DGKK: variants seen among roughly 807,000 people sequenced by gnomAD.
DGKK encodes the protein diacylglycerol kinase kappa.
A neutral mutation model predicts 92.2 loss-of-function variants in DGKK; 35 were observed. The ratio of observed to expected loss-of-function variants is 0.38; its 90% CI spans 0.29 to 0.50. The LOEUF is 0.50. Among genes scored for constraint, DGKK ranks in the 20% least tolerant of loss-of-function variants. The pLI, the probability that DGKK is intolerant of heterozygous loss-of-function variation, is 0.92. For synonymous variants in DGKK, 368 were observed against 360.6 expected (o/e 1.02, Z -0.23); for missense variants, 910 against 992.2 (o/e 0.92, Z 1.11).
chrX:50,384,278 A>G lies in DGKK; in HGVS notation c.2453-14T>C, dbSNP rs151121850. 9.0e-7 allele frequency: 1 copy of G among 1,106,508 alleles called. No homozygotes were observed. The highest frequency in any genetic ancestry group is 1.8e-5 in the African/African-American group (1 of 54,615). The allele number at this position is 1,106,508 out of a possible 1,213,427, so 91.2% of individuals were successfully genotyped here. A position where few individuals can be genotyped will look rare whatever the true frequency, so the allele number is the denominator to read the frequency against. On this transcript the variant is annotated splice_polypyrimidine_tract_variant and intron_variant, in intron 16 of 27. Transcript: ENST00000611977. ...CACGACGAGAACCTAGACACAAAAG[A>G]CATCACTTGGGTGACGGATACAAAC...
rs541765470 is a variant in DGKK at position 50,382,567 on chromosome X, G to A, written c.2586C>T (p.Phe862=). 16 of 1,208,141 alleles carry A rather than the reference G, an allele frequency of 1.3e-5. No individual in the cohort carries two copies. The highest frequency in any genetic ancestry group is 1.0e-4 in the African/African-American group (6 of 57,173). The change falls in exon 18 of 28, where the codon TTC becomes TTT. Residue 862 remains phenylalanine (F), a synonymous_variant. Coordinates refer to ENST00000611977, the MANE Select transcript of DGKK (RefSeq NM_001013742.4). ...FKEKCVMNNY[F]GIGLDAKISL... ...AAATTTTAGCATCCAGTCCAATTCC[G>A]AAGTAGTTGTTCATGACACATTTTT...
chrX:50,452,136 C>T (rs182176825), intron 1 of DGKK, among the ~76,000 whole-genome samples: 37 of 111,497 alleles, frequency 3.3e-4, no homozygotes, highest in Non-Finnish European at 5.7e-4. Flanking sequence ...GAAAATGAGA[C>T]GCAGAAAGGT....
At chrX:50,465,316 G>A (rs1926870125) in intron 1 of DGKK, among the ~76,000 whole-genome samples, 1 of 109,360 alleles carries the variant, frequency 9.1e-6, no homozygotes, top group South Asian at 4.0e-4. Context: ...ATTATCTGGG[G>A]TCACTGTCCC....
chrX:50,459,986 C>T (rs782601195), intron 1 of DGKK, among the ~76,000 whole-genome samples: 3 of 112,089 alleles, frequency 2.7e-5, no homozygotes, highest in Admixed American at 9.4e-5. Flanking sequence ...GTGAATAAAC[C>T]ATGAAATAAT....
intron 4 of DGKK, among the ~76,000 whole-genome samples, chrX:50,408,268 A>T (rs1925209215): frequency 8.9e-6 from 1 of 112,513 alleles, no homozygotes; most frequent in Non-Finnish European, 1.9e-5. Context: ...AGAGAACAGA[A>T]CACCTAGCCC....
chrX:50,377,952 C>T, intron 22 of DGKK, 146 bp downstream of exon 22: 1 of 739,000 alleles, frequency 1.4e-6, no homozygotes, highest in Non-Finnish European at 1.9e-6. Flanking sequence ...CCCAAGAATG[C>T]ATTTATAACC....
rs188595903 is a variant in DGKK, at chrX:50,403,094, A to T, written c.1275T>A (p.Leu425=). The change falls in exon 7 of 28, where the codon CTT becomes CTA. Residue 425 remains leucine (L), a synonymous_variant. Coordinates refer to ENST00000611977, the MANE Select transcript of DGKK (RefSeq NM_001013742.4). ...TACACCACAGGCAGCGGAAGTCTTG[A>T]AGTCTTTGATAACTGCCACAGCTCT... The part of the protein sequence containing the change: ...CHESCGSYQR[L]QDFRCLWCNS... 35 of 1,209,133 alleles carry T rather than the reference A, an allele frequency of 2.9e-5. No homozygotes were observed. The East Asian group carries it at 6.8e-4, about 24-fold the overall frequency.
chrX:50,440,253 A>G (rs1164645600), intron 1 of DGKK, among the ~76,000 whole-genome samples: 1 of 111,862 alleles, frequency 8.9e-6, no homozygotes, highest in Non-Finnish European at 1.9e-5. Context: ...GTCATAGCAT[A>G]ACGTAATTCT....
At chrX:50,379,908 A>T in intron 19 of DGKK, 73 bp downstream of exon 19, 1 of 1,013,211 alleles carries the variant, frequency 9.9e-7, no homozygotes, top group Non-Finnish European at 1.4e-6. Flanking sequence ...AAGAATCAGC[A>T]TGTACGGTAT....
rs1924747563 is a variant in DGKK at position 50,393,252 on chromosome X, T to G, written c.1495A>C (p.Lys499Gln). ...ACGATCCCCTGATGATCGCCACTTT[T>G]GGAGTTGATGAAGATGAGCAAGGGA... ...SCPLLIFINS[K>Q]SGDHQGIVFL... The change falls in exon 9 of 28, where the codon AAA (lysine) becomes CAA (glutamine). Residue 499 changes from lysine to glutamine, a missense_variant. Lys to Gln is a moderately conservative substitution (Grantham distance 53). Coordinates refer to ENST00000611977, the MANE Select transcript of DGKK (RefSeq NM_001013742.4). The G allele has an allele frequency of 8.3e-7, 1 of 1,208,262 alleles. No individual in the cohort carries two copies.
intron 23 of DGKK, 82 bp downstream of exon 23, chrX:50,376,676 A>G: frequency 1.0e-6 from 1 of 957,501 alleles, no homozygotes; most frequent in East Asian, 3.3e-5. Context: ...CAGGCTCCCT[A>G]GTAGCCAATA....
chrX:50,388,776 G>T (rs1924615388), intron 12 of DGKK, among the ~76,000 whole-genome samples, 158 bp from the exon 13 acceptor site: 1 of 111,845 alleles, frequency 8.9e-6, no homozygotes, highest in Non-Finnish European at 1.9e-5. Flanking sequence ...CTTGTTGAAG[G>T]TCAACAGAGA....
chrX:50,382,723 G>T, intron 17 of DGKK, 120 bp from the exon 18 acceptor site: 1 of 464,610 alleles, frequency 2.2e-6, no homozygotes, highest in Non-Finnish European at 3.6e-6. Flanking sequence ...CTCCACACTG[G>T]GCACTAACTA....
At position 50,422,454 on chromosome X, in the gene DGKK, T is replaced by C; in HGVS notation, c.829A>G (p.Ser277Gly). 1 of 1,201,566 alleles carries C rather than the reference T, an allele frequency of 8.3e-7. No individual in the cohort carries two copies. Among genetic ancestry groups the C allele is most frequent in the African/African-American group, 1.7e-5 (1 of 57,563 alleles). ...AESSCRNLCH[S>G]FCVITPQRKI... is the part of the protein sequence containing the mutation. ...TTCCCAATCTTACTTACACAAAAAC[T>C]GTGGCAAAGGTTTCTACAGCTGCTT... Residue 277 changes from serine (S) to glycine (G), a missense_variant, in exon 3 of 28, where the codon AGT becomes GGT. By Grantham distance (56) the Ser-to-Gly change is moderately conservative. Transcript: ENST00000611977.
intron 12 of DGKK, among the ~76,000 whole-genome samples, chrX:50,389,004 C>T (rs1262515034): frequency 9.0e-6 from 1 of 111,570 alleles, no homozygotes; most frequent in African/African-American, 3.3e-5. Flanking sequence ...ATAATAACAG[C>T]ACCCACTTAT....
At chrX:50,399,435 A>C (rs1924938634) in intron 8 of DGKK, among the ~76,000 whole-genome samples, 1 of 112,170 alleles carries the variant, frequency 8.9e-6, no homozygotes, top group Non-Finnish European at 1.9e-5. Context: ...CCTGGCAGTG[A>C]AGTGAGCAAC....
At chrX:50,384,602 G>C in intron 16 of DGKK, 118 bp downstream of exon 16, 1 of 624,152 alleles carries the variant, frequency 1.6e-6, no homozygotes, top group Non-Finnish European at 2.5e-6. Flanking sequence ...AGACGGAGGG[G>C]TATCTACTGC....
intron 1 of DGKK, among the ~76,000 whole-genome samples, chrX:50,436,056 G>T (rs2147142014): frequency 8.9e-6 from 1 of 111,799 alleles, no homozygotes; most frequent in South Asian, 3.8e-4. Flanking sequence ...AGAGGGAAGA[G>T]AAGTGACTGC....
At position 50,388,624 on chromosome X, in the gene DGKK, G is replaced by A. The variant is rs974812652; in HGVS notation, c.1927-6C>T. On this transcript the variant is annotated splice_region_variant and splice_polypyrimidine_tract_variant and intron_variant, in intron 12 of 27. Transcript: ENST00000611977. Reference sequence around the variant, plus strand: ...AAGTGTTGGATGGCAGCAGCCTAGGGGCAAAAGGAGTTCTTAGCCCTGGAA... The same window carrying A: ...AAGTGTTGGATGGCAGCAGCCTAGGAGCAAAAGGAGTTCTTAGCCCTGGAA... 8.5e-7 allele frequency: 1 copy of A among 1,175,000 alleles called. No homozygotes were observed. Among genetic ancestry groups the A allele is most frequent in the African/African-American group, 1.8e-5 (1 of 56,162 alleles).
Sources: allele counts gnomAD v4.1 joint callset (sites outside exome capture counted in the v4.1 genomes callset), GRCh38; gene constraint gnomAD v4.1.1; transcripts MANE v1.5; gene names NCBI Gene and HGNC (gene_info 2026-07-23, HGNC 2026-07-21).